GLIS3: variants seen among roughly 807,000 people sequenced by gnomAD.
GLIS3 encodes the protein zinc finger protein GLIS3.
GLIS3 carries 53 observed loss-of-function variants against 78.6 expected under a neutral mutation model. The observed-to-expected ratio is 0.67, with a 90% confidence interval of 0.54 to 0.85. The LOEUF (loss-of-function observed/expected upper bound fraction) is 0.85. Ranked by LOEUF, GLIS3 falls within the 40% of genes least tolerant of loss-of-function variation. The probability of loss-of-function intolerance (pLI) is 0.00; values close to 1 mark genes in which losing one functional copy is unlikely to be tolerated. For synonymous variants in GLIS3, 684 were observed against 509.9 expected, an observed-to-expected ratio of 1.34 and a Z score of -4.60; for missense variants, 1,703 against 1,231.1, an observed-to-expected ratio of 1.38 and a Z score of -5.74.
At chr9:4,048,970 G>A (rs1418675584) in intron 4 of GLIS3, among the ~76,000 whole-genome samples, 1 of 152,134 alleles carries the variant, frequency 6.6e-6, no homozygotes, top group Non-Finnish European at 1.5e-5. Flanking sequence ...GAAATTATTT[G>A]GGGATCCAAC....
chr9:3,893,048 G>C (rs1822566924), intron 7 of GLIS3, among the ~76,000 whole-genome samples: 1 of 152,058 alleles, frequency 6.6e-6, no homozygotes, highest in South Asian at 2.1e-4. Flanking sequence ...TTGTTTCACT[G>C]CCCAGGTATT....
chr9:3,910,142 CA>C (rs1304532639), intron 6 of GLIS3, among the ~76,000 whole-genome samples: 1 of 152,050 alleles, frequency 6.6e-6, no homozygotes, highest in African/African-American at 2.4e-5. Flanking sequence ...ACTACAGATC[CA>C]CCCCCCTGTG....
At chr9:4,029,426 G>A (rs958119293) in intron 4 of GLIS3, among the ~76,000 whole-genome samples, 14 of 152,098 alleles carry the variant, frequency 9.2e-5, no homozygotes, top group African/African-American at 2.7e-4. Flanking sequence ...TGTGTTATCC[G>A]TCCCCTTAAG....
Position 4,000,985 on chromosome 9 carries a change from C to T in GLIS3, c.1711-63796G>A, listed in dbSNP as rs1188591046. The stretch of plus-strand genomic sequence containing the variant: ...TATTTATATTGTCTCCCCTCCTTTG[C>T]CTGTGAGATTTTTGTAGCCAGGAGC... On this transcript the variant is annotated intron_variant, in intron 4 of 10. Transcript: ENST00000381971. 2.0e-5 allele frequency among the ~76,000 whole-genome samples: 3 copies of T among 152,234 alleles called. No homozygotes were observed. In the East Asian group the frequency reaches 5.8e-4, roughly 29 times the overall value.
the GLIS3 span, among the ~76,000 whole-genome samples, chr9:4,388,274 GAAGT>G: frequency 6.6e-6 from 1 of 152,108 alleles, no homozygotes; most frequent in African/African-American, 2.4e-5. Context: ...CATGATAATA[GAAGT>G]AAGTCTTAAT....
In GLIS3 at chr9:4,043,598, TG is replaced by T. The variant is rs1825010642; in HGVS notation, c.1710+74169del. ...CTCAATGACTCAGTTATTGGAGGGC[TG>T]GGGAGGTGGTTTTGAGCACACTATT... On this transcript the variant is annotated intron_variant, in intron 4 of 10. Coordinates refer to ENST00000381971, the MANE Select transcript of GLIS3 (RefSeq NM_001042413.2). Among the ~76,000 whole-genome samples the T allele has an allele frequency of 2.6e-5, 4 of 152,170 alleles. No homozygotes were observed. In the South Asian group the frequency reaches 8.3e-4, roughly 32 times the overall value.
intron 4 of GLIS3, among the ~76,000 whole-genome samples, chr9:4,040,815 G>T (rs1470760577): frequency 2.6e-5 from 4 of 152,186 alleles, no homozygotes; most frequent in African/African-American, 9.7e-5. Context: ...TGGGTCAACT[G>T]GGTCATTGTT....
intron 4 of GLIS3, among the ~76,000 whole-genome samples, chr9:3,973,285 T>G (rs1204602485): frequency 6.6e-6 from 1 of 152,116 alleles, no homozygotes; most frequent in Non-Finnish European, 1.5e-5. Context: ...GAGTTTTTAT[T>G]AGGGCTCCAT....
At chr9:4,046,465 G>A (rs1563982853) in intron 4 of GLIS3, among the ~76,000 whole-genome samples, 1 of 152,182 alleles carries the variant, frequency 6.6e-6, no homozygotes, top group Non-Finnish European at 1.5e-5. Flanking sequence ...AGGAGGGGCT[G>A]AGAGATACAT....
chr9:4,193,725 G>A (rs1402384490), intron 2 of GLIS3, among the ~76,000 whole-genome samples: 1 of 152,218 alleles, frequency 6.6e-6, no homozygotes, highest in African/African-American at 2.4e-5. Flanking sequence ...TGGGAGGAAT[G>A]AGGTGCTCTT....
chr9:4,254,771 C>T (rs1225831605), intron 2 of GLIS3, among the ~76,000 whole-genome samples: 4 of 149,136 alleles, frequency 2.7e-5, no homozygotes, highest in Non-Finnish European at 5.9e-5. Flanking sequence ...GCCTGGGAAG[C>T]GGAGGTTGTA....
chr9:3,859,898 G>C (rs142310374), intron 8 of GLIS3, among the ~76,000 whole-genome samples: 1 of 152,274 alleles, frequency 6.6e-6, no homozygotes, highest in South Asian at 2.1e-4. Flanking sequence ...TTTGGTAGAG[G>C]AGTTTGTATA....
At chr9:4,243,819 T>G (rs1047385180) in intron 2 of GLIS3, among the ~76,000 whole-genome samples, 1 of 152,172 alleles carries the variant, frequency 6.6e-6, no homozygotes, top group African/African-American at 2.4e-5. Flanking sequence ...ACCACAATGA[T>G]TTACATTAGG....
chr9:4,466,931 C>T, the GLIS3 span, among the ~76,000 whole-genome samples: 1 of 152,216 alleles, frequency 6.6e-6, no homozygotes, highest in Admixed American at 6.5e-5. Context: ...ACACTCCCAT[C>T]CTAATACTGC....
chr9:4,216,592 T>C (rs1026083068), intron 2 of GLIS3, among the ~76,000 whole-genome samples: 2 of 151,574 alleles, frequency 1.3e-5, no homozygotes, highest in Non-Finnish European at 2.9e-5. Flanking sequence ...TGAAGGAAGG[T>C]TGGGGAAAGC....
intron 4 of GLIS3, among the ~76,000 whole-genome samples, chr9:4,045,390 C>T (rs1318368712): frequency 6.6e-6 from 1 of 152,094 alleles, no homozygotes; most frequent in Non-Finnish European, 1.5e-5. Context: ...GGCTGGAGTG[C>T]AGTGGTGCGA....
chr9:4,228,839 GCTCTGTTATCT>G (rs1483472977), intron 2 of GLIS3, among the ~76,000 whole-genome samples: 1 of 152,180 alleles, frequency 6.6e-6, no homozygotes, highest in African/African-American at 2.4e-5. Flanking sequence ...GTGGAACTCT[GCTCTGTTATCT>G]CTCTGAGTAT....
chr9:3,827,715 T>C lies in GLIS3; in HGVS notation c.*557A>G, dbSNP rs75480480. Reference sequence around the variant, plus strand: ...TTATTTTTCTATTGAAGAGAAACACTGAGAAGCAACTGGTTAGCATGTGGC... The same window carrying C: ...TTATTTTTCTATTGAAGAGAAACACCGAGAAGCAACTGGTTAGCATGTGGC... On this transcript the variant is annotated 3_prime_UTR_variant, in exon 11 of 11. Coordinates refer to ENST00000381971, the MANE Select transcript of GLIS3 (RefSeq NM_001042413.2). 7.9e-4 allele frequency: 125 copies of C among 157,470 alleles called. No individual in the cohort carries two copies. Among genetic ancestry groups the C allele is most frequent in the African/African-American group, 3.0e-3 (124 of 41,532 alleles). 9.8% of individuals were successfully genotyped at this position (157,470 alleles called of 1,614,324 possible). A position where few individuals can be genotyped will look rare whatever the true frequency, so the allele number is the denominator to read the frequency against.
intron 8 of GLIS3, among the ~76,000 whole-genome samples, chr9:3,872,669 C>G (rs530972107): frequency 1.3e-5 from 2 of 152,284 alleles, no homozygotes; most frequent in Non-Finnish European, 2.9e-5. Context: ...CCCAACAGAT[C>G]CCTCCCACAA....
Sources: allele counts gnomAD v4.1 joint callset (sites outside exome capture counted in the v4.1 genomes callset), GRCh38; gene constraint gnomAD v4.1.1; transcripts MANE v1.5; gene names NCBI Gene and HGNC (gene_info 2026-07-23, HGNC 2026-07-21).